NCOA7: variants seen among roughly 807,000 people sequenced by gnomAD.
The protein encoded by NCOA7 is 140 kDa estrogen receptor-associated protein.
In NCOA7, 45 loss-of-function variants were observed where a neutral mutation model predicts 104.3. That is an observed-to-expected ratio of 0.43 (90% CI 0.34 to 0.55). The LOEUF (loss-of-function observed/expected upper bound fraction) is 0.55. Ranked by LOEUF, NCOA7 falls within the 20% of genes least tolerant of loss-of-function variation. The probability of loss-of-function intolerance (pLI) is 0.02; values close to 1 mark genes in which losing one functional copy is unlikely to be tolerated. For synonymous variants in NCOA7, 398 were observed against 402.3 expected, an observed-to-expected ratio of 0.99 and a Z score of 0.13; for missense variants, 1,041 against 1,119.7, an observed-to-expected ratio of 0.93 and a Z score of 1.00.
In NCOA7 at chr6:125,915,313, G is replaced by A. The variant is rs1402728630; in HGVS notation, c.2097-20G>A. ...GAAAGTGGACATGGTGTTAACATCT[G>A]TCACAAACGTGTTTTTCAGGGTGGA... is the stretch of plus-strand genomic sequence containing the variant. On this transcript the variant is annotated intron_variant, in intron 10 of 15. Transcript: ENST00000392477. The A allele has an allele frequency of 1.9e-6, 3 of 1,612,724 alleles. No homozygotes were observed. The highest frequency in any genetic ancestry group is 2.2e-5 in the South Asian group (2 of 91,014).
chr6:125,791,050 G>C lies in NCOA7; in HGVS notation c.-82G>C, dbSNP rs569822821. The stretch of plus-strand genomic sequence containing the variant: ...CCCCTTCTCCCGGACCCCAGGAGCC[G>C]GCGCCCCCGCCCTGTAGGTAGGTGG... On this transcript the variant is annotated 5_prime_UTR_variant, in exon 1 of 16. Transcript: ENST00000392477. 1 of 153,240 alleles carries C rather than the reference G, an allele frequency of 6.5e-6. No individual in the cohort carries two copies. The highest frequency in any genetic ancestry group is 1.4e-5 in the Non-Finnish European group (1 of 68,990). 9.5% of individuals were successfully genotyped at this position (153,240 alleles called of 1,614,324 possible).
chr6:125,853,418 C>T (rs1008325289), intron 2 of NCOA7, among the ~76,000 whole-genome samples: 3 of 152,146 alleles, frequency 2.0e-5, no homozygotes, highest in African/African-American at 7.2e-5. Flanking sequence ...CCTGATTGCT[C>T]TGGCTAGGAC....
At chr6:125,892,057 A>G (rs1784659059) in intron 10 of NCOA7, among the ~76,000 whole-genome samples, 1 of 152,210 alleles carries the variant, frequency 6.6e-6, no homozygotes, top group East Asian at 1.9e-4. Context: ...GCTGAATAAT[A>G]TCTAAGAGAT....
chr6:125,835,056 A>T (rs1583329328), intron 2 of NCOA7, among the ~76,000 whole-genome samples: 1 of 152,196 alleles, frequency 6.6e-6, no homozygotes, highest in Non-Finnish European at 1.5e-5. Context: ...ATTTAAAAGG[A>T]TGTATATTTC....
At chr6:125,833,925 T>C (rs1779398176) in intron 2 of NCOA7, among the ~76,000 whole-genome samples, 1 of 152,208 alleles carries the variant, frequency 6.6e-6, no homozygotes, top group African/African-American at 2.4e-5. Context: ...CTTCCTTCCT[T>C]TTTGTTGATT....
At chr6:125,835,289 A>G (rs1422123760) in intron 2 of NCOA7, among the ~76,000 whole-genome samples, 1 of 152,190 alleles carries the variant, frequency 6.6e-6, no homozygotes, top group African/African-American at 2.4e-5. Context: ...TGTTGTTGGC[A>G]TGGAGCAACC....
At chr6:125,922,648 C>A in intron 12 of NCOA7, 34 bp from the exon 13 acceptor site, 1 of 1,594,062 alleles carries the variant, frequency 6.3e-7, no homozygotes, top group Non-Finnish European at 8.6e-7. Flanking sequence ...TGTGGGTGAA[C>A]CTTCTGTTTA....
chr6:125,913,750 T>C (rs1786799179), intron 10 of NCOA7: 1 of 731,912 alleles, frequency 1.4e-6, no homozygotes, highest in African/African-American at 1.9e-5. Flanking sequence ...AAACAACAGC[T>C]CGGAAACACA....
chr6:125,885,362 T>C lies in NCOA7; in HGVS notation c.884+19T>C, dbSNP rs759713494. On this transcript the variant is annotated intron_variant, in intron 8 of 15. Coordinates refer to ENST00000392477, the MANE Select transcript of NCOA7 (RefSeq NM_181782.5). ...TGCCATCGTAAGACATTTATTTGTTTACCAGGAAAAAAGGGGTGTTGAGAG... is the reference window on the plus strand; with the variant it reads ...TGCCATCGTAAGACATTTATTTGTTCACCAGGAAAAAAGGGGTGTTGAGAG... The C allele has an allele frequency of 2.4e-5, 39 of 1,607,532 alleles. No homozygotes were observed. The Admixed American group carries it at 2.9e-4, about 12-fold the overall frequency.
chr6:125,860,093 ATGAGTGAAC>A (rs796719339), intron 3 of NCOA7, among the ~76,000 whole-genome samples: 35 of 152,294 alleles, frequency 2.3e-4, no homozygotes, highest in African/African-American at 7.9e-4. Flanking sequence ...ACCTTCCAGA[ATGAGTGAAC>A]TGAGCCCTTT....
chr6:125,920,593 TA>T (rs1422191835), intron 11 of NCOA7, among the ~76,000 whole-genome samples: 5 of 152,254 alleles, frequency 3.3e-5, no homozygotes, highest in African/African-American at 7.2e-5. Flanking sequence ...TATATGGAGA[TA>T]GGGGTCCCAT....
intron 1 of NCOA7, among the ~76,000 whole-genome samples, chr6:125,808,159 G>A (rs947048258): frequency 6.6e-6 from 1 of 152,016 alleles, no homozygotes; most frequent in Non-Finnish European, 1.5e-5. Context: ...AGGATTCCCC[G>A]AACACCACAC....
At chr6:125,827,650 G>C (rs1274465202) in intron 2 of NCOA7, among the ~76,000 whole-genome samples, 5 of 152,148 alleles carry the variant, frequency 3.3e-5, no homozygotes. Flanking sequence ...AGTTCACCAG[G>C]TAATCTGTGT....
chr6:125,817,572 G>T (rs1162380474), intron 2 of NCOA7, among the ~76,000 whole-genome samples: 1 of 152,106 alleles, frequency 6.6e-6, no homozygotes, highest in African/African-American at 2.4e-5. Context: ...ATCTTCTTTA[G>T]TGGCATCTCC....
At chr6:125,846,924 C>T (rs911317880) in intron 2 of NCOA7, among the ~76,000 whole-genome samples, 1 of 152,174 alleles carries the variant, frequency 6.6e-6, no homozygotes, top group African/African-American at 2.4e-5. Context: ...TGCCTGGTTC[C>T]TTAGTCAACT....
chr6:125,788,610 G>A (rs915166143), upstream of NCOA7, among the ~76,000 whole-genome samples: 1 of 149,200 alleles, frequency 6.7e-6, no homozygotes, highest in African/African-American at 2.5e-5. Context: ...ATCTCCGCTC[G>A]CTGCAACCTC....
rs1782198479 is a variant in NCOA7 at position 125,863,279 on chromosome 6, A to G, written c.271+8039A>G. ...TCACAGCCCCAGCACTCTAATTAAC[A>G]CAATATTTTGTAACCCATTCTTGTC... On this transcript the variant is annotated intron_variant, in intron 3 of 15. Transcript: ENST00000392477. Among the ~76,000 whole-genome samples, 2 of 138,134 alleles carry G rather than the reference A, an allele frequency of 1.4e-5. 1 individual carries two copies. Among genetic ancestry groups the G allele is most frequent in the African/African-American group, 6.0e-5 (2 of 33,178 alleles). The allele number at this position is 138,134 out of a possible 152,430, so 90.6% of individuals were successfully genotyped here.
chr6:125,816,778 C>A (rs529858), intron 2 of NCOA7, among the ~76,000 whole-genome samples: 2,560 of 152,264 alleles, frequency 0.017, 44 homozygotes, highest in Non-Finnish European at 0.025. Flanking sequence ...AATCCACCAG[C>A]CTTATTCAGA....
intron 3 of NCOA7, among the ~76,000 whole-genome samples, chr6:125,858,627 GA>G (rs111365716): frequency 1.7e-3 from 230 of 135,378 alleles, no homozygotes; most frequent in Middle Eastern, 8.1e-3. Context: ...CACTGTCTCT[GA>G]AAAAAAAAAA....
Sources: allele counts gnomAD v4.1 joint callset (sites outside exome capture counted in the v4.1 genomes callset), GRCh38; gene constraint gnomAD v4.1.1; transcripts MANE v1.5; gene names NCBI Gene and HGNC (gene_info 2026-07-23, HGNC 2026-07-21).